The following TEKT5 variants were observed in gnomAD, a reference collection of about 807,000 sequenced individuals.
TEKT5 encodes the protein tektin 5.
Under a neutral mutation model 48.7 loss-of-function variants are expected in TEKT5, and 52 were observed. The ratio of observed to expected loss-of-function variants is 1.07; its 90% CI spans 0.86 to 1.35. The LOEUF (loss-of-function observed/expected upper bound fraction) is 1.35. Ranked by LOEUF, TEKT5 falls within the 40% of genes most tolerant of loss-of-function variation. The pLI, the probability that TEKT5 is intolerant of heterozygous loss-of-function variation, is 0.00. For synonymous variants in TEKT5, 318 were observed against 267.6 expected (o/e 1.19, Z -1.84); for missense variants, 831 against 641.6 (o/e 1.30, Z -3.19).
At chr16:10,655,717 G>A (rs1248139495) in intron 5 of TEKT5, among the ~76,000 whole-genome samples, 1 of 152,140 alleles carries the variant, frequency 6.6e-6, no homozygotes, top group Admixed American at 6.5e-5. Context: ...TCTTTCTCAG[G>A]TATCTTCCTG....
intron 6 of TEKT5, among the ~76,000 whole-genome samples, chr16:10,632,869 G>GACACACACAC (rs35503579): frequency 0.038 from 5,002 of 131,620 alleles, 157 homozygotes; most frequent in Non-Finnish European, 0.051. Flanking sequence ...CACAGATGCA[G>GACACACACAC]ACACACACAC....
chr16:10,679,864 T>G (rs1184834435), intron 4 of TEKT5, among the ~76,000 whole-genome samples: 2 of 139,132 alleles, frequency 1.4e-5, no homozygotes, highest in Non-Finnish European at 3.2e-5. Flanking sequence ...ACCATTGCCC[T>G]CCAGCCTGGG....
At chr16:10,690,330 C>G (rs1898946888) in intron 1 of TEKT5, among the ~76,000 whole-genome samples, 1 of 152,184 alleles carries the variant, frequency 6.6e-6, no homozygotes, top group Non-Finnish European at 1.5e-5. Flanking sequence ...CAAGCCTTCC[C>G]ACAATACAAT....
chr16:10,660,661 CTGTGTGTGTGTG>C (rs4028826), intron 5 of TEKT5, among the ~76,000 whole-genome samples: 4,927 of 144,258 alleles, frequency 0.034, 178 homozygotes, highest in African/African-American at 0.094. Context: ...GAGTGCAAGG[CTGTGTGTGTGTG>C]TGTGTGTGTG....
At chr16:10,650,433 G>C (rs1315472198) in intron 5 of TEKT5, among the ~76,000 whole-genome samples, 2 of 152,036 alleles carry the variant, frequency 1.3e-5, no homozygotes, top group African/African-American at 4.8e-5. Context: ...CCTGTCTGCA[G>C]CTTTTCCAGA....
chr16:10,655,134 G>A (rs1898239441), intron 5 of TEKT5, among the ~76,000 whole-genome samples: 1 of 151,994 alleles, frequency 6.6e-6, no homozygotes, highest in Admixed American at 6.6e-5. Context: ...AAACAATTGA[G>A]GACTACATTT....
chr16:10,693,172 T>C (rs1256619698), intron 1 of TEKT5, among the ~76,000 whole-genome samples: 3 of 152,240 alleles, frequency 2.0e-5, no homozygotes, highest in East Asian at 3.8e-4. Context: ...CTCAGCTCAC[T>C]GCAACCTCCG....
At chr16:10,661,711 T>A (rs1344449993) in intron 5 of TEKT5, among the ~76,000 whole-genome samples, 1 of 152,162 alleles carries the variant, frequency 6.6e-6, no homozygotes, top group African/African-American at 2.4e-5. Context: ...GTATTCGGAT[T>A]CCAGTGTGCC....
chr16:10,682,635 T>C (rs1201482244), intron 3 of TEKT5, among the ~76,000 whole-genome samples: 2 of 152,216 alleles, frequency 1.3e-5, no homozygotes, highest in African/African-American at 2.4e-5. Flanking sequence ...GCCCCTGCTG[T>C]CCTTTAGAAG....
chr16:10,681,901 G>A, intron 4 of TEKT5, 92 bp downstream of exon 4: 1 of 1,503,972 alleles, frequency 6.6e-7, no homozygotes, highest in Admixed American at 1.8e-5. Flanking sequence ...CTTAACTGGT[G>A]CACGATGCCC....
At chr16:10,660,772 C>G (rs1160169104) in intron 5 of TEKT5, among the ~76,000 whole-genome samples, 1 of 151,962 alleles carries the variant, frequency 6.6e-6, no homozygotes, top group Non-Finnish European at 1.5e-5. Flanking sequence ...ATGATCTCAG[C>G]TCACTATAAC....
chr16:10,651,608 C>T (rs1898156807), intron 5 of TEKT5, among the ~76,000 whole-genome samples: 1 of 152,180 alleles, frequency 6.6e-6, no homozygotes. Flanking sequence ...TTAGTGGGTG[C>T]TCAGCAAACA....
At chr16:10,659,775 G>A (rs948716747) in intron 5 of TEKT5, among the ~76,000 whole-genome samples, 35 of 152,270 alleles carry the variant, frequency 2.3e-4, no homozygotes, top group South Asian at 8.3e-4. Flanking sequence ...TTAGTGTTAC[G>A]ATAGCTTAAA....
intron 6 of TEKT5, among the ~76,000 whole-genome samples, chr16:10,628,891 G>C (rs1399407645): frequency 1.4e-5 from 2 of 138,186 alleles, no homozygotes; most frequent in Non-Finnish European, 3.0e-5. Flanking sequence ...GGGAGCCTGA[G>C]CGAAACTCTG....
chr16:10,636,264 A>G (rs1021175902), intron 5 of TEKT5, among the ~76,000 whole-genome samples: 1 of 151,718 alleles, frequency 6.6e-6, no homozygotes, highest in East Asian at 1.9e-4. Flanking sequence ...AATCCCAGCT[A>G]CTCGGGGGAC....
chr16:10,660,921 G>A (rs572555870), intron 5 of TEKT5, among the ~76,000 whole-genome samples: 71 of 152,142 alleles, frequency 4.7e-4, no homozygotes, highest in Admixed American at 1.1e-3. Context: ...GGCTGGTCTC[G>A]AACTCCTGAC....
At position 10,694,894 on chromosome 16, in the gene TEKT5, C is replaced by A. The variant is rs766724975; in HGVS notation, c.-21G>T. The A allele has an allele frequency of 2.6e-6, 4 of 1,523,336 alleles. No homozygotes were observed. The highest frequency in any genetic ancestry group is 1.3e-5 in the South Asian group (1 of 75,774). The allele number at this position is 1,523,336 out of a possible 1,614,324, so 94.4% of individuals were successfully genotyped here. ...TCCATCCTCCCTCATGAGCCCCACT[C>A]GGGCAAAACTCAGCTCAAGGAGCCA... On this transcript the variant is annotated 5_prime_UTR_variant, in exon 1 of 7. Coordinates refer to ENST00000283025, the MANE Select transcript of TEKT5 (RefSeq NM_144674.2).
intron 5 of TEKT5, 111 bp downstream of exon 5, chr16:10,675,848 A>T: frequency 9.7e-7 from 1 of 1,027,612 alleles, no homozygotes; most frequent in Non-Finnish European, 1.5e-6. Flanking sequence ...GAGAGAGGGT[A>T]CTGCTTTGGC....
At chr16:10,690,071 T>G in intron 1 of TEKT5, 46 bp from the exon 2 acceptor site, 1 of 1,598,866 alleles carries the variant, frequency 6.3e-7, no homozygotes, top group Admixed American at 1.7e-5. Flanking sequence ...TAGCTGTATG[T>G]AGACCCTGAG....
Sources: gnomAD v4.1 joint callset for allele counts (sites outside exome capture counted in the v4.1 genomes callset) on GRCh38, gnomAD v4.1.1 for gene constraint, MANE v1.5 for transcripts, NCBI Gene and HGNC (gene_info 2026-07-23, HGNC 2026-07-21) for gene names.